The following TRDN variants were observed in gnomAD, a reference collection of about 807,000 sequenced individuals.
TRDN encodes the protein triadin.
TRDN carries 161 observed loss-of-function variants against 149.7 expected under a neutral mutation model. The observed-to-expected ratio is 1.08, with a 90% CI of 0.95 to 1.23. The LOEUF is 1.23. TRDN is among the 50% of genes most tolerant of loss of function. The pLI is 0.00. For synonymous variants in TRDN, 294 were observed against 250.5 expected, an observed-to-expected ratio of 1.17 and a Z score of -1.64; for missense variants, 896 against 823.5, an observed-to-expected ratio of 1.09 and a Z score of -1.08.
chr6:123,356,908 A>T (rs1388150565), intron 20 of TRDN, among the ~76,000 whole-genome samples: 1 of 150,940 alleles, frequency 6.6e-6, no homozygotes, highest in African/African-American at 2.4e-5. Flanking sequence ...CATAATTTTT[A>T]TTGTATTTTA....
intron 14 of TRDN, among the ~76,000 whole-genome samples, chr6:123,386,800 C>T (rs1781920817): frequency 1.3e-5 from 2 of 152,164 alleles, no homozygotes; most frequent in African/African-American, 2.4e-5. Flanking sequence ...TTTGTTTGGG[C>T]TTCATCCTTT....
intron 33 of TRDN, among the ~76,000 whole-genome samples, chr6:123,262,817 T>C (rs1776818573): frequency 6.6e-6 from 1 of 152,100 alleles, no homozygotes; most frequent in Admixed American, 6.6e-5. Flanking sequence ...GTAATTATTT[T>C]GGTGTTCCAC....
chr6:123,272,913 A>T, intron 29 of TRDN, 51 bp downstream of exon 29: 1 of 1,299,368 alleles, frequency 7.7e-7, no homozygotes, highest in Non-Finnish European at 1.1e-6. Flanking sequence ...TTCTGCTAAA[A>T]TTAGAACATT....
chr6:123,388,305 T>C lies in TRDN; in HGVS notation c.1135+217A>G, dbSNP rs9388233. On this transcript the variant is annotated intron_variant, in intron 14 of 40. Coordinates refer to ENST00000334268, the MANE Select transcript of TRDN (RefSeq NM_006073.4). ...ATTTTGAGAAGCTATGTTTTATTCC[T>C]TATATCTTGAGAAAGACTAGATTAA... Among the ~76,000 whole-genome samples the C allele has an allele frequency of 6.8e-3, 1,033 of 152,238 alleles. 48 individuals are homozygous for C. The East Asian group carries it at 0.088, about 13-fold the overall frequency.
At chr6:123,260,479 C>T in intron 34 of TRDN, 133 bp downstream of exon 34, 2 of 944,900 alleles carry the variant, frequency 2.1e-6, no homozygotes, top group Non-Finnish European at 1.5e-6. Flanking sequence ...AGTCATTATG[C>T]CTGTTCTGTA....
intron 1 of TRDN, among the ~76,000 whole-genome samples, chr6:123,597,786 T>G (rs947944436): frequency 1.3e-5 from 2 of 152,080 alleles, no homozygotes; most frequent in Admixed American, 1.3e-4. Flanking sequence ...GTATATATTT[T>G]TAGACATAAT....
rs906772880 is a variant in TRDN at position 123,547,332 on chromosome 6, C to T, written c.424+8G>A. On this transcript the variant is annotated splice_region_variant and intron_variant, in intron 4 of 40. Transcript: ENST00000334268. ...AAATAATTATTATCAAAGGTGAAAACAACTAACCTTTTTTTCTCAAGGGAG... is the reference window on the plus strand; with the variant it reads ...AAATAATTATTATCAAAGGTGAAAATAACTAACCTTTTTTTCTCAAGGGAG... 6.9e-7 allele frequency: 1 copy of T among 1,449,524 alleles called. No individual in the cohort carries two copies. Among genetic ancestry groups the T allele is most frequent in the East Asian group, 2.7e-5 (1 of 37,552 alleles). 89.8% of individuals were successfully genotyped at this position (1,449,524 alleles called of 1,614,324 possible).
At chr6:123,529,073 A>G in intron 5 of TRDN, 1 of 1,433,514 alleles carries the variant, frequency 7.0e-7, no homozygotes, top group Non-Finnish European at 9.1e-7. Context: ...GAATTCTAAT[A>G]TAGCCAGGTC....
At chr6:123,255,037 A>G (rs372328096) in intron 37 of TRDN, 44 bp downstream of exon 37, 214 of 1,025,132 alleles carry the variant, frequency 2.1e-4, no homozygotes, top group Non-Finnish European at 2.9e-4. Context: ...AACATAATTC[A>G]TATGTTTTCA....
At chr6:123,352,484 G>T (rs376595959) in intron 21 of TRDN, 55 bp downstream of exon 21, 4 of 1,599,352 alleles carry the variant, frequency 2.5e-6, no homozygotes, top group African/African-American at 1.3e-5. Context: ...GCTTTCCTCC[G>T]CATGTTGTTG....
At chr6:123,606,632 T>G (rs1784540739) in intron 1 of TRDN, among the ~76,000 whole-genome samples, 1 of 152,270 alleles carries the variant, frequency 6.6e-6, no homozygotes, top group South Asian at 2.1e-4. Flanking sequence ...ACTGATTTTC[T>G]TCCTGATATA....
At chr6:123,363,600 G>C (rs1178433708) in intron 20 of TRDN, among the ~76,000 whole-genome samples, 1 of 152,178 alleles carries the variant, frequency 6.6e-6, no homozygotes, top group Non-Finnish European at 1.5e-5. Context: ...CGAATAGATA[G>C]ATAATTTATT....
At chr6:123,375,515 C>A in intron 19 of TRDN, 90 bp downstream of exon 19, 3 of 1,131,534 alleles carry the variant, frequency 2.7e-6, no homozygotes, top group South Asian at 3.2e-5. Flanking sequence ...AAGCCATTCT[C>A]AAAATTAGCA....
At chr6:123,394,202 A>C (rs1269599960) in intron 12 of TRDN, among the ~76,000 whole-genome samples, 3 of 152,144 alleles carry the variant, frequency 2.0e-5, no homozygotes, top group African/African-American at 7.2e-5. Context: ...ATCCGAGAGA[A>C]TGAGCAAGCT....
At chr6:123,250,607 A>G (rs963993556) in intron 38 of TRDN, among the ~76,000 whole-genome samples, 1 of 152,124 alleles carries the variant, frequency 6.6e-6, no homozygotes, top group African/African-American at 2.4e-5. Context: ...ACCTTATTAA[A>G]CAATCATTCC....
intron 12 of TRDN, among the ~76,000 whole-genome samples, chr6:123,408,351 C>A (rs1191675710): frequency 6.6e-6 from 1 of 152,052 alleles, no homozygotes; most frequent in African/African-American, 2.4e-5. Flanking sequence ...GTACAAAATT[C>A]TCATACCTAT....
At chr6:123,306,991 G>C (rs1004566323) in intron 24 of TRDN, among the ~76,000 whole-genome samples, 2 of 151,902 alleles carry the variant, frequency 1.3e-5, no homozygotes, top group African/African-American at 4.8e-5. Flanking sequence ...GTCATTTTTT[G>C]TTGTTTTATT....
At chr6:123,353,082 A>T (rs1410763817) in intron 20 of TRDN, among the ~76,000 whole-genome samples, 1 of 151,830 alleles carries the variant, frequency 6.6e-6, no homozygotes, top group African/African-American at 2.4e-5. Context: ...TGGGTGCTGT[A>T]CCCCTTTCTC....
At chr6:123,500,552 C>A (rs1344997922) in intron 8 of TRDN, among the ~76,000 whole-genome samples, 1 of 152,086 alleles carries the variant, frequency 6.6e-6, no homozygotes, top group Non-Finnish European at 1.5e-5. Flanking sequence ...TTTCATAGTT[C>A]TGAGATAATA....
Sources: gnomAD v4.1 joint callset for allele counts (sites outside exome capture counted in the v4.1 genomes callset) on GRCh38, gnomAD v4.1.1 for gene constraint, MANE v1.5 for transcripts, NCBI Gene and HGNC (gene_info 2026-07-23, HGNC 2026-07-21) for gene names.